The following ZNF664 variants were observed in gnomAD, a reference collection of about 807,000 sequenced individuals.
The protein encoded by ZNF664 is zinc finger protein 664.
ZNF664 carries 10 observed loss-of-function variants against 18.2 expected under a neutral mutation model. That is an observed-to-expected ratio of 0.55 (90% CI 0.34 to 0.93). ZNF664 has a LOEUF of 0.93. Ranked by LOEUF, ZNF664 falls within the 40% of genes least tolerant of loss-of-function variation. The probability of loss-of-function intolerance (pLI) is 0.02; values close to 1 mark genes in which losing one functional copy is unlikely to be tolerated. For missense variants in ZNF664, 193 were observed against 319.0 expected (o/e 0.61, Z 3.01); for synonymous variants, 119 against 104.2 (o/e 1.14, Z -0.86).
rs769966399 is a variant in ZNF664 at position 124,002,874 on chromosome 12, G to C, written c.-660-8507G>C. 6.6e-5 allele frequency among the ~76,000 whole-genome samples: 10 copies of C among 152,048 alleles called. No individual in the cohort carries two copies. The South Asian group carries it at 8.3e-4, about 13-fold the overall frequency. The stretch of plus-strand genomic sequence containing the variant: ...ACGTGACTGGTGAGATTACTTAGAG[G>C]GTATAGATTCAGAAAAGAAATGGTC... On this transcript the variant is annotated intron_variant, in intron 3 of 4. Transcript: ENST00000337815.
intron 3 of ZNF664, among the ~76,000 whole-genome samples, chr12:124,005,428 CT>C (rs1183746988): frequency 6.6e-6 from 1 of 150,594 alleles, no homozygotes; most frequent in Non-Finnish European, 1.5e-5. Flanking sequence ...AGTTGTCTAT[CT>C]TTTAGTTTCC....
At chr12:123,983,774 C>A (rs1408405765) in intron 2 of ZNF664, among the ~76,000 whole-genome samples, 1 of 152,152 alleles carries the variant, frequency 6.6e-6, no homozygotes, top group Non-Finnish European at 1.5e-5. Context: ...TCAAAGTACT[C>A]GGTGTTGGCT....
intron 3 of ZNF664, 131 bp downstream of exon 3, chr12:123,988,269 G>A: frequency 1.3e-6 from 1 of 759,050 alleles, no homozygotes; most frequent in East Asian, 3.4e-5. Flanking sequence ...AGCTCTCCGT[G>A]CACGCTCTTC....
chr12:123,977,948 A>G (rs1335345872), intron 2 of ZNF664, among the ~76,000 whole-genome samples: 1 of 152,206 alleles, frequency 6.6e-6, no homozygotes, highest in Non-Finnish European at 1.5e-5. Context: ...AGGTGGATGG[A>G]GCACATGCTT....
chr12:123,977,457 A>G (rs1956707758), intron 2 of ZNF664, among the ~76,000 whole-genome samples: 1 of 108,706 alleles, frequency 9.2e-6, no homozygotes, highest in African/African-American at 3.6e-5. Context: ...AGAACCTAAA[A>G]TGGCCAAAAA....
At chr12:123,989,397 C>T (rs945175264) in intron 3 of ZNF664, 2 of 152,294 alleles carry the variant, frequency 1.3e-5, no homozygotes, top group African/African-American at 4.8e-5. Flanking sequence ...GCTGCATTAT[C>T]TCCTGTGCTG....
At position 124,011,902 on chromosome 12, in the gene ZNF664, G is replaced by A. The variant is rs564866999; in HGVS notation, c.-243G>A. 14 of 1,298,960 alleles carry A rather than the reference G, an allele frequency of 1.1e-5. No homozygotes were observed. In the African/African-American group the frequency reaches 1.2e-4, roughly 11 times the overall value. The allele number at this position is 1,298,960 out of a possible 1,614,324, so 80.5% of individuals were successfully genotyped here. ...TGTGTTAATGAGTTACAGAATTCAC[G>A]TGGAAGTCAATGTCACTTTATAATC... On this transcript the variant is annotated 5_prime_UTR_variant, in exon 5 of 5. It adds an upstream start codon to the 5' untranslated region. Transcript: ENST00000337815.
intron 2 of ZNF664, among the ~76,000 whole-genome samples, chr12:123,987,253 C>T (rs909557049): frequency 5.3e-5 from 8 of 152,170 alleles, no homozygotes; most frequent in East Asian, 3.9e-4. Flanking sequence ...CATGTAGATA[C>T]GGCAGCAGTG....
In ZNF664 at chr12:124,011,837, C is replaced by A; in HGVS notation, c.-308C>A. 8.5e-7 allele frequency: 1 copy of A among 1,173,282 alleles called. No individual in the cohort carries two copies. Among genetic ancestry groups the A allele is most frequent in the Non-Finnish European group, 1.0e-6 (1 of 952,414 alleles). 72.7% of individuals were successfully genotyped at this position (1,173,282 alleles called of 1,614,324 possible). ...ACGCAAAGGTTTGCACTTTGAGAGC[C>A]CCTTGGAATGTTGACAACTCAGGAT... On this transcript the variant is annotated 5_prime_UTR_variant, in exon 5 of 5. Coordinates refer to ENST00000337815, the MANE Select transcript of ZNF664 (RefSeq NM_152437.3).
intron 2 of ZNF664, among the ~76,000 whole-genome samples, chr12:123,980,127 GTA>G (rs754551597): frequency 1.3e-5 from 2 of 151,710 alleles, no homozygotes; most frequent in Non-Finnish European, 2.9e-5. Context: ...GTGAGTGTGT[GTA>G]TATATATATA....
At chr12:123,988,013 C>A in intron 2 of ZNF664, 30 bp from the exon 3 acceptor site, 1 of 1,231,294 alleles carries the variant, frequency 8.1e-7, no homozygotes, top group Non-Finnish European at 1.0e-6. Context: ...TAAATAAACC[C>A]ATTTTTCTCT....
In ZNF664 at chr12:124,014,709, T is replaced by C. The variant is rs1230249879; in HGVS notation, c.*1779T>C. ...GAAAATACTGAAAGTTTGATTTTTC[T>C]TTCCATATTTGAATTAATTTTTTCT... On this transcript the variant is annotated 3_prime_UTR_variant, in exon 5 of 5. Transcript: ENST00000337815. 6.0e-6 allele frequency: 1 copy of C among 167,104 alleles called. No homozygotes were observed. The highest frequency in any genetic ancestry group is 1.5e-5 in the Non-Finnish European group (1 of 68,132). The allele number at this position is 167,104 out of a possible 1,614,324, so 10.4% of individuals were successfully genotyped here. A position where few individuals can be genotyped will look rare whatever the true frequency, so the allele number is the denominator to read the frequency against.
chr12:124,005,714 C>A (rs1441651771), intron 3 of ZNF664, among the ~76,000 whole-genome samples: 1 of 152,176 alleles, frequency 6.6e-6, no homozygotes, highest in Non-Finnish European at 1.5e-5. Flanking sequence ...CATCTCACAT[C>A]CCCCGTCTTT....
At position 124,013,016 on chromosome 12, in the gene ZNF664, A is replaced by G; in HGVS notation, c.*86A>G. 2.1e-6 allele frequency: 3 copies of G among 1,440,688 alleles called. No homozygotes were observed. The highest frequency in any genetic ancestry group is 1.4e-5 in the South Asian group (1 of 70,976). 89.2% of individuals were successfully genotyped at this position (1,440,688 alleles called of 1,614,324 possible). A position where few individuals can be genotyped will look rare whatever the true frequency, so the allele number is the denominator to read the frequency against. Reference sequence around the variant, plus strand: ...GTATATACCTACATTGACCCAAGAAATATTTACGCAATCCCTAGCAGAACA... The same window carrying G: ...GTATATACCTACATTGACCCAAGAAGTATTTACGCAATCCCTAGCAGAACA... On this transcript the variant is annotated 3_prime_UTR_variant, in exon 5 of 5. Transcript: ENST00000337815.
chr12:123,986,383 T>G (rs549895398), intron 2 of ZNF664, among the ~76,000 whole-genome samples: 4 of 152,286 alleles, frequency 2.6e-5, no homozygotes, highest in African/African-American at 9.6e-5. Flanking sequence ...GCATCACTCA[T>G]TTCTTTGTGT....
intron 3 of ZNF664, among the ~76,000 whole-genome samples, chr12:123,997,555 C>G (rs1956964370): frequency 6.6e-6 from 1 of 152,152 alleles, no homozygotes; most frequent in African/African-American, 2.4e-5. Context: ...GCAGTCATCC[C>G]CACGTGGCCT....
chr12:123,983,803 C>G (rs933010047), intron 2 of ZNF664, among the ~76,000 whole-genome samples: 2 of 152,172 alleles, frequency 1.3e-5, no homozygotes, highest in African/African-American at 4.8e-5. Context: ...TGTCAAGTTT[C>G]TCAGTTAACC....
intron 3 of ZNF664, among the ~76,000 whole-genome samples, chr12:123,999,559 T>G (rs1441603490): frequency 1.4e-4 from 21 of 152,184 alleles, no homozygotes. Flanking sequence ...ACAAAGTAAT[T>G]GTATAGTTAT....
intron 3 of ZNF664, among the ~76,000 whole-genome samples, chr12:123,991,257 ACAG>A (rs1196172016): frequency 9.2e-5 from 14 of 152,304 alleles, no homozygotes; most frequent in East Asian, 7.7e-4. Flanking sequence ...ATGGGGTTGA[ACAG>A]CAGGAAAAAA....
Sources: gnomAD v4.1 joint callset for allele counts (sites outside exome capture counted in the v4.1 genomes callset) on GRCh38, gnomAD v4.1.1 for gene constraint, MANE v1.5 for transcripts, NCBI Gene and HGNC (gene_info 2026-07-23, HGNC 2026-07-21) for gene names.